Variants in SEMA3A observed in about 807,000 individuals in gnomAD.
SEMA3A encodes semaphorin 3A.
A neutral mutation model predicts 97.9 loss-of-function variants in SEMA3A; 29 were observed. That is an observed-to-expected ratio of 0.30 (90% CI 0.22 to 0.40). The LOEUF (loss-of-function observed/expected upper bound fraction) is 0.40, where lower values mean the gene tolerates loss of function less well. Ranked by LOEUF, SEMA3A falls within the 10% of genes least tolerant of loss-of-function variation. SEMA3A has a pLI of 1.00. For missense variants in SEMA3A, 763 were observed against 951.3 expected (o/e 0.80, Z 2.60); for synonymous variants, 321 against 323.7 (o/e 0.99, Z 0.09).
At chr7:84,281,096 A>G (rs1376169309) in intron 3 of SEMA3A, among the ~76,000 whole-genome samples, 1 of 152,178 alleles carries the variant, frequency 6.6e-6, no homozygotes, top group Non-Finnish European at 1.5e-5. Context: ...ACTGGATGCC[A>G]CATTTAGATC....
rs1434272633 is a variant in SEMA3A at position 84,312,907 on chromosome 7, TATATATATATATATACAC to T, written c.-168-5633_-168-5616del. On this transcript the variant is annotated intron_variant, in intron 2 of 3. Coordinates refer to the SEMA3A transcript ENST00000424555. ...ATATATATATATATATATATATATA[TATATATATATATATACAC>T]ACACACACACACACACACGTACACA... 5.6e-3 allele frequency among the ~76,000 whole-genome samples: 289 copies of T among 51,408 alleles called. 13 individuals carry two copies. Among genetic ancestry groups the T allele is most frequent in the Non-Finnish European group, 0.011 (200 of 18,216 alleles). The allele number at this position is 51,408 out of a possible 152,430, so 33.7% of individuals were successfully genotyped here.
intron 1 of SEMA3A, among the ~76,000 whole-genome samples, chr7:84,385,701 T>A (rs1197365738): frequency 6.6e-6 from 1 of 152,198 alleles, no homozygotes; most frequent in Admixed American, 6.5e-5. Context: ...TATACCAAAT[T>A]ATTGAGTACC....
chr7:84,080,946 A>G (rs1794129243), intron 4 of SEMA3A, among the ~76,000 whole-genome samples: 1 of 152,086 alleles, frequency 6.6e-6, no homozygotes, highest in South Asian at 2.1e-4. Flanking sequence ...TGTGGGGACA[A>G]TATTAACACA....
At chr7:84,200,969 G>A (rs571544961) in intron 3 of SEMA3A, among the ~76,000 whole-genome samples, 72 of 151,974 alleles carry the variant, frequency 4.7e-4, no homozygotes, top group Non-Finnish European at 8.1e-4. Flanking sequence ...TGGCTATCGG[G>A]TGTTTCAGGA....
intron 6 of SEMA3A, among the ~76,000 whole-genome samples, chr7:84,030,526 A>ATC (rs10665064): frequency 0.69 from 104,907 of 151,730 alleles, 36,467 homozygotes; most frequent in Middle Eastern, 0.77. Context: ...CATGATTTAA[A>ATC]TCTCTGAGAA....
intron 2 of SEMA3A, among the ~76,000 whole-genome samples, chr7:84,348,803 T>TGA (rs2116015967): frequency 6.6e-6 from 1 of 152,152 alleles, no homozygotes; most frequent in African/African-American, 2.4e-5. Flanking sequence ...GCCAACATGG[T>TGA]GAAACCCCGT....
At chr7:84,064,107 C>G (rs560044332) in intron 4 of SEMA3A, among the ~76,000 whole-genome samples, 5 of 152,208 alleles carry the variant, frequency 3.3e-5, no homozygotes, top group African/African-American at 7.2e-5. Flanking sequence ...AGAGGGGGGG[C>G]CAATATTCAA....
chr7:84,483,910 G>A (rs1806507825), intron 1 of SEMA3A, among the ~76,000 whole-genome samples: 1 of 152,014 alleles, frequency 6.6e-6, no homozygotes, highest in African/African-American at 2.4e-5. Flanking sequence ...CAGGTGTGGT[G>A]GTGCACGCCT....
intron 2 of SEMA3A, among the ~76,000 whole-genome samples, chr7:84,354,375 T>G (rs1427684062): frequency 1.3e-5 from 2 of 151,734 alleles, no homozygotes; most frequent in Non-Finnish European, 3.0e-5. Flanking sequence ...TATGGTGTTT[T>G]CAAATAAATT....
Position 83,963,224 on chromosome 7 carries a change from T to C in SEMA3A, c.1841A>G (p.Asn614Ser). ...CTGTACCTCTTCTTTTCGCTCTTCA[T>C]TTCGCCTCTGGAATTGCCAATAGAC... Reference protein sequence around the residue: ...ALVYWQFQRRNEERKEEIRVD... With the variant: ...ALVYWQFQRRSEERKEEIRVD... Residue 614 changes from asparagine (N) to serine (S), a missense_variant, in exon 16 of 17, where the codon AAT becomes AGT. Around this residue, in one of 2 missense-constraint regions of SEMA3A, gnomAD observed 678 missense variants for 881.3 expected, o/e 0.77. Transcript: ENST00000265362. 6.2e-7 allele frequency: 1 copy of C among 1,613,382 alleles called. No individual in the cohort carries two copies. Among genetic ancestry groups the C allele is most frequent in the Non-Finnish European group, 8.5e-7 (1 of 1,179,988 alleles).
intron 6 of SEMA3A, among the ~76,000 whole-genome samples, chr7:84,025,338 T>C (rs925648432): frequency 6.6e-5 from 10 of 152,192 alleles, no homozygotes; most frequent in African/African-American, 2.2e-4. Context: ...ACCAGATGAC[T>C]GCCAGCACAC....
At chr7:83,989,249 T>C (rs961884311) in intron 12 of SEMA3A, among the ~76,000 whole-genome samples, 2 of 152,138 alleles carry the variant, frequency 1.3e-5, no homozygotes, top group African/African-American at 4.8e-5. Context: ...CTTTCAAAAA[T>C]GAAGCTGATT....
At chr7:84,090,725 T>C (rs1315425915) in intron 4 of SEMA3A, among the ~76,000 whole-genome samples, 3 of 152,136 alleles carry the variant, frequency 2.0e-5, no homozygotes, top group Non-Finnish European at 4.4e-5. Context: ...TTGAAATTAA[T>C]AAATATTATC....
intron 1 of SEMA3A, among the ~76,000 whole-genome samples, chr7:84,178,555 C>T (rs1284082562): frequency 6.6e-6 from 1 of 152,094 alleles, no homozygotes; most frequent in Non-Finnish European, 1.5e-5. Flanking sequence ...CAGACTTGAG[C>T]TCAAATCTCT....
intron 3 of SEMA3A, among the ~76,000 whole-genome samples, chr7:84,248,363 C>G (rs556175329): frequency 6.6e-6 from 1 of 152,158 alleles, no homozygotes; most frequent in Non-Finnish European, 1.5e-5. Flanking sequence ...AGCACAAGTA[C>G]TTTCTGCAGC....
chr7:84,262,902 C>A (rs1799894009), intron 3 of SEMA3A, among the ~76,000 whole-genome samples: 1 of 152,124 alleles, frequency 6.6e-6, no homozygotes, highest in Non-Finnish European at 1.5e-5. Context: ...GTATCAGGAT[C>A]AAGCTCAGCA....
At chr7:84,203,941 T>C (rs1798423639) in intron 3 of SEMA3A, among the ~76,000 whole-genome samples, 1 of 152,052 alleles carries the variant, frequency 6.6e-6, no homozygotes, top group Non-Finnish European at 1.5e-5. Context: ...ATAACTACAT[T>C]ATAGTTCACA....
In SEMA3A at chr7:84,020,380, A is replaced by C. The variant is rs137970809; in HGVS notation, c.668-6029T>G. Among the ~76,000 whole-genome samples the C allele has an allele frequency of 1.4e-3, 217 of 151,248 alleles. 2 individuals carry two copies. In the East Asian group the frequency reaches 0.016, roughly 11 times the overall value. On this transcript the variant is annotated intron_variant, in intron 6 of 16. Coordinates refer to ENST00000265362, the MANE Select transcript of SEMA3A (RefSeq NM_006080.3). ...TATATTTACTTATTTCTCTTTGAGA[A>C]CATATATTTCTATAGCTTCGATTTC...
chr7:84,069,889 A>AT (rs1309586489), intron 4 of SEMA3A, among the ~76,000 whole-genome samples: 2 of 152,268 alleles, frequency 1.3e-5, no homozygotes, highest in East Asian at 3.9e-4. Flanking sequence ...TTGAATTATC[A>AT]TGAACGAACA....
Sources: allele counts gnomAD v4.1 joint callset (sites outside exome capture counted in the v4.1 genomes callset), GRCh38; gene constraint gnomAD v4.1.1; regional missense constraint gnomAD v4.1.1; transcripts MANE v1.5; gene names NCBI Gene and HGNC (gene_info 2026-07-23, HGNC 2026-07-21).